The following IGF1R variants were observed in gnomAD, a reference collection of about 807,000 sequenced individuals.
The protein encoded by IGF1R is insulin like growth factor 1 receptor.
In IGF1R, 44 loss-of-function variants were observed where a neutral mutation model predicts 144.6. That is an observed-to-expected ratio of 0.30 (90% CI 0.24 to 0.39). IGF1R has a LOEUF of 0.39. Among genes scored for constraint, IGF1R ranks in the 10% least tolerant of loss-of-function variants. The pLI, the probability that IGF1R is intolerant of heterozygous loss-of-function variation, is 1.00. For missense variants in IGF1R, 1,355 were observed against 1,833.7 expected (o/e 0.74, Z 4.77); for synonymous variants, 795 against 722.8 (o/e 1.10, Z -1.60).
At chr15:98,951,510 T>C (rs2016772867) in intron 20 of IGF1R, among the ~76,000 whole-genome samples, 1 of 152,296 alleles carries the variant, frequency 6.6e-6, no homozygotes, top group Non-Finnish European at 1.5e-5. Flanking sequence ...ACAGTAAACA[T>C]GTATTATCTC....
intron 2 of IGF1R, among the ~76,000 whole-genome samples, chr15:98,755,093 C>T (rs571893423): frequency 4.6e-5 from 7 of 152,164 alleles, no homozygotes; most frequent in South Asian, 4.2e-4. Context: ...TGTGTGTCCT[C>T]GTTAATCTTC....
intron 1 of IGF1R, among the ~76,000 whole-genome samples, chr15:98,665,407 A>G (rs1212902864): frequency 1.3e-5 from 2 of 152,042 alleles, no homozygotes; most frequent in Admixed American, 6.6e-5. Flanking sequence ...TTGGATTCCA[A>G]GGCCCTTTTG....
chr15:98,794,447 G>A (rs909997563), intron 2 of IGF1R, among the ~76,000 whole-genome samples: 1 of 152,186 alleles, frequency 6.6e-6, no homozygotes, highest in African/African-American at 2.4e-5. Flanking sequence ...GAAAAGACCA[G>A]TGATAAGAGG....
chr15:98,948,553 A>G lies in IGF1R; in HGVS notation c.3588-21A>G, dbSNP rs757992948. On this transcript the variant is annotated intron_variant, in intron 19 of 20. Coordinates refer to ENST00000650285, the MANE Select transcript of IGF1R (RefSeq NM_000875.5). The stretch of plus-strand genomic sequence containing the variant: ...CAGTCCATCCCTTTCCAAGCTCCTC[A>G]CAGTTTTTTTCTCCCTGTAGGTCCT... The G allele has an allele frequency of 2.2e-5, 36 of 1,613,156 alleles. No homozygotes were observed. In the Admixed American group the frequency reaches 5.0e-4, roughly 22 times the overall value.
At position 98,649,689 on chromosome 15, in the gene IGF1R, C is replaced by T. The variant is rs35275105; in HGVS notation, c.94+14C>T. 1.7e-3 allele frequency: 2,735 copies of T among 1,593,810 alleles called. 31 individuals carry two copies. The African/African-American group carries it at 0.033, about 19-fold the overall frequency. ...CGAGTGGAGAAAGTGAGTATGTGCC[C>T]GCCGCCCGCGGCCACTGCGGGAACT... On this transcript the variant is annotated intron_variant, in intron 1 of 20. Coordinates refer to ENST00000650285, the MANE Select transcript of IGF1R (RefSeq NM_000875.5).
chr15:98,758,730 A>G (rs2055220311), intron 2 of IGF1R, among the ~76,000 whole-genome samples: 1 of 152,216 alleles, frequency 6.6e-6, no homozygotes, highest in African/African-American at 2.4e-5. Context: ...AGGGCCTCAG[A>G]AGGCCCTCAC....
At chr15:98,777,430 C>A (rs1385954168) in intron 2 of IGF1R, among the ~76,000 whole-genome samples, 1 of 152,188 alleles carries the variant, frequency 6.6e-6, no homozygotes. Context: ...TGGTGAGGGG[C>A]CCGGGGAGGC....
rs571481717 is a variant in IGF1R at position 98,767,104 on chromosome 15, C to T, written c.640+58997C>T. Among the ~76,000 whole-genome samples the T allele has an allele frequency of 3.9e-5, 6 of 152,226 alleles. No individual in the cohort carries two copies. In the East Asian group the frequency reaches 9.6e-4, roughly 24 times the overall value. ...GATTTCCACATGGTTCATTAGAATT[C>T]ATTTATTTTTTTCCATCTGTATTTC... is the stretch of plus-strand genomic sequence containing the variant. On this transcript the variant is annotated intron_variant, in intron 2 of 20. Transcript: ENST00000650285.
intron 1 of IGF1R, among the ~76,000 whole-genome samples, chr15:98,688,414 CTGTGTG>C (rs10528336): frequency 0.042 from 6,042 of 143,524 alleles, 166 homozygotes; most frequent in Non-Finnish European, 0.054. Context: ...CAACACACAC[CTGTGTG>C]TGTGTGTGTG....
At chr15:98,762,014 G>A (rs1474390135) in intron 2 of IGF1R, among the ~76,000 whole-genome samples, 4 of 152,132 alleles carry the variant, frequency 2.6e-5, no homozygotes, top group Non-Finnish European at 5.9e-5. Context: ...AGTCGATCTT[G>A]CCTGCCTAGC....
At chr15:98,901,872 G>A (rs1286506601) in intron 5 of IGF1R, among the ~76,000 whole-genome samples, 1 of 152,146 alleles carries the variant, frequency 6.6e-6, no homozygotes, top group Non-Finnish European at 1.5e-5. Context: ...AACGAGTTGG[G>A]GCATCCTGGG....
In IGF1R at chr15:98,689,234, C is replaced by CTTT. The variant is rs890361771; in HGVS notation, c.95-18306_95-18304dup. On this transcript the variant is annotated intron_variant, in intron 1 of 20. Coordinates refer to ENST00000650285, the MANE Select transcript of IGF1R (RefSeq NM_000875.5). Reference sequence around the variant, plus strand: ...CAAGCAGCTTTGGACAGTTGCACTACTTTTTTTTTTTTTTTTTTTTTTTTG... The same window carrying CTTT: ...CAAGCAGCTTTGGACAGTTGCACTACTTTTTTTTTTTTTTTTTTTTTTTTTTTG... Among the ~76,000 whole-genome samples the CTTT allele has an allele frequency of 2.1e-3, 211 of 100,914 alleles. 1 individual carries two copies. The highest frequency in any genetic ancestry group is 2.4e-3 in the Non-Finnish European group (122 of 51,364). The allele number at this position is 100,914 out of a possible 152,430, so 66.2% of individuals were successfully genotyped here.
chr15:98,955,385 C>T (rs1260942368), intron 20 of IGF1R, among the ~76,000 whole-genome samples: 4 of 152,210 alleles, frequency 2.6e-5, no homozygotes, highest in South Asian at 2.1e-4. Context: ...TTTTAAAGGG[C>T]GACGTGGTAA....
rs60239385 is a variant in IGF1R, at chr15:98,811,364, C to CAA, written c.641-79946_641-79945dup. 4.6e-3 allele frequency among the ~76,000 whole-genome samples: 493 copies of CAA among 107,870 alleles called. 1 individual carries two copies. Among genetic ancestry groups the CAA allele is most frequent in the African/African-American group, 0.016 (468 of 29,452 alleles). The allele number at this position is 107,870 out of a possible 152,430, so 70.8% of individuals were successfully genotyped here. ...TGAAACCCCGTCTCCACTAAAAATA[C>CAA]AAAAAAAAAAAAAAAATTAGCCAGG... On this transcript the variant is annotated intron_variant, in intron 2 of 20. Coordinates refer to ENST00000650285, the MANE Select transcript of IGF1R (RefSeq NM_000875.5).
intron 2 of IGF1R, among the ~76,000 whole-genome samples, chr15:98,808,297 G>T (rs1346573576): frequency 6.6e-6 from 1 of 152,188 alleles, no homozygotes; most frequent in African/African-American, 2.4e-5. Context: ...GAAACCTAAA[G>T]TTGAAAGAGT....
At chr15:98,718,321 A>C (rs1045616265) in intron 2 of IGF1R, among the ~76,000 whole-genome samples, 3 of 152,124 alleles carry the variant, frequency 2.0e-5, no homozygotes, top group Non-Finnish European at 4.4e-5. Flanking sequence ...GTATTTAGGG[A>C]CTGTCGGTTG....
chr15:98,847,776 T>C (rs2011390445), intron 2 of IGF1R, among the ~76,000 whole-genome samples: 1 of 152,214 alleles, frequency 6.6e-6, no homozygotes, highest in South Asian at 2.1e-4. Flanking sequence ...TTTTCATTGC[T>C]ATTTGAGTTT....
intron 1 of IGF1R, among the ~76,000 whole-genome samples, chr15:98,670,602 GGTA>G (rs2141195146): frequency 6.6e-6 from 1 of 152,294 alleles, no homozygotes; most frequent in South Asian, 2.1e-4. Context: ...TTTTTGGGGA[GGTA>G]GTAGTGGATG....
chr15:98,934,679 A>G, intron 15 of IGF1R, 145 bp from the exon 16 acceptor site: 1 of 723,910 alleles, frequency 1.4e-6, no homozygotes, highest in Admixed American at 2.1e-5. Flanking sequence ...TGGAAAGTTG[A>G]CATCAAGCCA....
Sources: gnomAD v4.1 joint callset for allele counts (sites outside exome capture counted in the v4.1 genomes callset) on GRCh38, gnomAD v4.1.1 for gene constraint, MANE v1.5 for transcripts, NCBI Gene and HGNC (gene_info 2026-07-23, HGNC 2026-07-21) for gene names.